FSIP2: variants seen among roughly 807,000 people sequenced by gnomAD.
FSIP2 encodes the protein fibrous sheath interacting protein 2, also known as fibrous sheath-interacting protein 2.
In FSIP2, 367 loss-of-function variants were observed where a neutral mutation model predicts 510.5. The observed-to-expected ratio is 0.72, with a 90% CI of 0.66 to 0.78. The LOEUF is 0.78. Ranked by LOEUF, FSIP2 falls within the 30% of genes least tolerant of loss-of-function variation. The pLI, the probability that FSIP2 is intolerant of heterozygous loss-of-function variation, is 0.00. For missense variants in FSIP2, 7,594 were observed against 7,901.7 expected (o/e 0.96, Z 1.48); for synonymous variants, 2,601 against 2,732.2 (o/e 0.95, Z 1.50).
intron 13 of FSIP2, among the ~76,000 whole-genome samples, chr2:185,773,734 G>A (rs896434694): frequency 5.3e-5 from 8 of 152,070 alleles, no homozygotes; most frequent in African/African-American, 1.9e-4. Flanking sequence ...TGTTAATTGT[G>A]TCATCTGTGC....
At position 185,752,440 on chromosome 2, in the gene FSIP2, G is replaced by A. The variant is rs562431728; in HGVS notation, c.871-1282G>A. On this transcript the variant is annotated intron_variant, in intron 7 of 22. Coordinates refer to ENST00000424728, the MANE Select transcript of FSIP2 (RefSeq NM_173651.4). ...TGTTTTCTACGCATTGGTGTTTTGG[G>A]CTTCTTGGACCTGTGGGTTTACGGT... 6.0e-5 allele frequency among the ~76,000 whole-genome samples: 9 copies of A among 151,078 alleles called. No homozygotes were observed. The South Asian group carries it at 1.9e-3, about 31-fold the overall frequency.
Position 185,793,441 on chromosome 2 carries a change from A to G in FSIP2, c.6305A>G (p.Tyr2102Cys), listed in dbSNP as rs1350447665. Reference protein sequence around the residue: ...DTIEGILCDIYEKTLFQNNLS... With the variant: ...DTIEGILCDICEKTLFQNNLS... ...ATTGAAGGTATCCTATGTGATATTTATGAAAAAACCCTGTTTCAGAATAAT... is the reference window on the plus strand; with the variant it reads ...ATTGAAGGTATCCTATGTGATATTTGTGAAAAAACCCTGTTTCAGAATAAT... The change falls in exon 16 of 23, where the codon TAT becomes TGT. Residue 2102 changes from tyrosine (Y) to cysteine (C), a missense_variant. By Grantham distance (194) the Tyr-to-Cys change is radical. Coordinates refer to ENST00000424728, the MANE Select transcript of FSIP2 (RefSeq NM_173651.4). 2 of 1,534,376 alleles carry G rather than the reference A, an allele frequency of 1.3e-6. No homozygotes were observed. Among genetic ancestry groups the G allele is most frequent in the Non-Finnish European group, 1.7e-6 (2 of 1,145,626 alleles).
rs530253414 is a variant in FSIP2 at position 185,781,912 on chromosome 2, A to G, written c.1412-793A>G. On this transcript the variant is annotated intron_variant, in intron 13 of 22. Coordinates refer to ENST00000424728, the MANE Select transcript of FSIP2 (RefSeq NM_173651.4). ...GAGTGCAGTGGCGCGATCTCGGCTCACTGCAAGCTCCGCCTCCCAGGTTCA... is the reference window on the plus strand; with the variant it reads ...GAGTGCAGTGGCGCGATCTCGGCTCGCTGCAAGCTCCGCCTCCCAGGTTCA... Among the ~76,000 whole-genome samples, 266 of 150,804 alleles carry G rather than the reference A, an allele frequency of 1.8e-3. 1 individual carries two copies. The highest frequency in any genetic ancestry group is 6.3e-3 in the African/African-American group (256 of 40,914).
rs116639972 is a variant in FSIP2, at chr2:185,809,103, G to C, written c.19797G>C (p.Lys6599Asn). ...RKTERRTSLD[K>N]TGRLDVKPLE... ...CAGAAAGACGTACCTCATTGGATAA[G>C]ACTGGAAGACTGGATGTAAAACCCC... Residue 6599 changes from lysine to asparagine, a missense_variant, in exon 17 of 23, where the codon AAG becomes AAC. Coordinates refer to ENST00000424728, the MANE Select transcript of FSIP2 (RefSeq NM_173651.4). 9.1e-3 allele frequency: 14,408 copies of C among 1,577,668 alleles called. 118 individuals are homozygous for C. Among genetic ancestry groups the C allele is most frequent in the South Asian group, 0.023 (1,909 of 84,290 alleles).
chr2:185,798,018 C>T (rs1450807083), intron 16 of FSIP2, among the ~76,000 whole-genome samples: 1 of 151,440 alleles, frequency 6.6e-6, no homozygotes, highest in Non-Finnish European at 1.5e-5. Flanking sequence ...CATCACAATG[C>T]AAAAAAATAA....
Position 185,804,531 on chromosome 2 carries a change from A to C in FSIP2, c.15225A>C (p.Ser5075=), listed in dbSNP as rs1481054115. Reference sequence around the variant, plus strand: ...ATTATCAAGTGCAGTCATTAGTTTCAGGAGAATTAGAGTCTTCTTCTTATT... The same window carrying C: ...ATTATCAAGTGCAGTCATTAGTTTCCGGAGAATTAGAGTCTTCTTCTTATT... The part of the protein sequence containing the change: ...IYDYQVQSLV[S]GELESSSYSY... Residue 5075 remains serine, a synonymous_variant, in exon 17 of 23, where the codon TCA becomes TCC. Transcript: ENST00000424728. 6 of 1,519,918 alleles carry C rather than the reference A, an allele frequency of 3.9e-6. No homozygotes were observed. Among genetic ancestry groups the C allele is most frequent in the South Asian group, 1.2e-5 (1 of 81,136 alleles). 94.2% of individuals were successfully genotyped at this position (1,519,918 alleles called of 1,614,324 possible). A position where few individuals can be genotyped will look rare whatever the true frequency, so the allele number is the denominator to read the frequency against.
intron 6 of FSIP2, 63 bp from the exon 7 acceptor site, chr2:185,747,250 A>C (rs956974651): frequency 1.0e-6 from 1 of 955,580 alleles, no homozygotes; most frequent in Middle Eastern, 2.1e-4. Context: ...TTGGTGGGAC[A>C]AAATACAAAG....
intron 13 of FSIP2, among the ~76,000 whole-genome samples, chr2:185,770,071 A>G (rs1692575473): frequency 6.6e-6 from 1 of 152,154 alleles, no homozygotes; most frequent in Admixed American, 6.5e-5. Flanking sequence ...TTTTGGTTCC[A>G]TACAAATTTT....
chr2:185,746,532 A>G (rs532672494), intron 5 of FSIP2, 137 bp from the exon 6 acceptor site: 2 of 633,990 alleles, frequency 3.2e-6, no homozygotes, highest in African/African-American at 3.7e-5. Flanking sequence ...AACAGGACTG[A>G]CAGAAAAACA....
At chr2:185,782,459 T>TTCTG (rs1692873169) in intron 13 of FSIP2, among the ~76,000 whole-genome samples, 1 of 152,150 alleles carries the variant, frequency 6.6e-6, no homozygotes, top group Admixed American at 6.5e-5. Context: ...GTGCAAAATA[T>TTCTG]TCTGTCTCTG....
At chr2:185,774,649 T>C (rs963288987) in intron 13 of FSIP2, among the ~76,000 whole-genome samples, 3 of 147,936 alleles carry the variant, frequency 2.0e-5, no homozygotes, top group Non-Finnish European at 4.5e-5. Flanking sequence ...GTTACATACG[T>C]ATACATGTGC....
intron 9 of FSIP2, among the ~76,000 whole-genome samples, chr2:185,758,759 T>C (rs1302611970): frequency 6.6e-6 from 1 of 151,176 alleles, no homozygotes; most frequent in Non-Finnish European, 1.5e-5. Flanking sequence ...ACTTTGAAAA[T>C]ATAAAGTGAT....
chr2:185,796,946 A>G lies in FSIP2; in HGVS notation c.9810A>G (p.Leu3270=), dbSNP rs55938253. Residue 3270 remains leucine (L), a synonymous_variant, in exon 16 of 23, where the codon TTA becomes TTG. Coordinates refer to ENST00000424728, the MANE Select transcript of FSIP2 (RefSeq NM_173651.4). ...GNSYLPEGSF[L]QKLLRKASDS... ...GCTACCTCCCTGAAGGCAGTTTCTT[A>G]CAAAAGCTGCTTAGGAAAGCAAGTG... 832,242 of 1,534,162 alleles carry G rather than the reference A, an allele frequency of 0.54. 227,239 individuals carry two copies. The highest frequency in any genetic ancestry group is 0.64 in the South Asian group (53,704 of 83,976).
chr2:185,827,490 A>G (rs1323701900), intron 20 of FSIP2, among the ~76,000 whole-genome samples: 1 of 151,872 alleles, frequency 6.6e-6, no homozygotes, highest in Non-Finnish European at 1.5e-5. Flanking sequence ...AGATGTAAAT[A>G]CAGGGTTTCT....
Position 185,807,682 on chromosome 2 carries a change from G to T in FSIP2, c.18376G>T (p.Ala6126Ser). Residue 6126 changes from alanine to serine, a missense_variant, in exon 17 of 23, where the codon GCT (alanine) becomes TCT (serine). By Grantham distance (99) the Ala-to-Ser change is moderately conservative. Coordinates refer to ENST00000424728, the MANE Select transcript of FSIP2 (RefSeq NM_173651.4). ...AGTTGACTTGGTTCTACGAGAAGTG[G>T]CTAGCAATCAGCTGCAGAGCTATTT... ...NIVDLVLREV[A>S]SNQLQSYFCG... 6.2e-7 allele frequency: 1 copy of T among 1,612,844 alleles called. No individual in the cohort carries two copies. Among genetic ancestry groups the T allele is most frequent in the Non-Finnish European group, 8.5e-7 (1 of 1,179,256 alleles).
chr2:185,793,626 C>G lies in FSIP2; in HGVS notation c.6490C>G (p.Leu2164Val). The G allele has an allele frequency of 6.5e-7, 1 of 1,533,992 alleles. No homozygotes were observed. The highest frequency in any genetic ancestry group is 8.7e-7 in the Non-Finnish European group (1 of 1,145,280). ...LISNDIVNIV[L>V]HNLSSAATLV... ...ATCCAATGATATAGTGAATATTGTTCTTCATAATCTCAGTTCTGCTGCCAC... is the reference window on the plus strand; with the variant it reads ...ATCCAATGATATAGTGAATATTGTTGTTCATAATCTCAGTTCTGCTGCCAC... Residue 2164 changes from leucine (L) to valine (V), a missense_variant, in exon 16 of 23, where the codon CTT becomes GTT. By Grantham distance (32) the Leu-to-Val change is conservative. Transcript: ENST00000424728.
At chr2:185,810,479 A>G (rs1397543940) in intron 17 of FSIP2, among the ~76,000 whole-genome samples, 2 of 151,638 alleles carry the variant, frequency 1.3e-5, no homozygotes, top group Non-Finnish European at 2.9e-5. Flanking sequence ...GGCCTTCCCA[A>G]AAACAGATGC....
Position 185,813,555 on chromosome 2 carries a change from G to A in FSIP2, c.19838G>A (p.Arg6613Lys). Residue 6613 changes from arginine to lysine, a missense_variant, in exon 18 of 23, where the codon AGA (arginine) becomes AAA (lysine). Arg to Lys is a conservative substitution (Grantham distance 26, BLOSUM62 2). Coordinates refer to ENST00000424728, the MANE Select transcript of FSIP2 (RefSeq NM_173651.4). ...LDVKPLEAVA[R>K]NSFQNIRKPD... ...TACCTTTAATTTCAGGCCGTTGCTAGAAATTCATTTCAGAATATAAGAAAG... is the reference window on the plus strand; with the variant it reads ...TACCTTTAATTTCAGGCCGTTGCTAAAAATTCATTTCAGAATATAAGAAAG... 1 of 1,524,978 alleles carries A rather than the reference G, an allele frequency of 6.6e-7. No individual in the cohort carries two copies. The highest frequency in any genetic ancestry group is 8.8e-7 in the Non-Finnish European group (1 of 1,139,392). The allele number at this position is 1,524,978 out of a possible 1,614,324, so 94.5% of individuals were successfully genotyped here. A position where few individuals can be genotyped will look rare whatever the true frequency, so the allele number is the denominator to read the frequency against.
Position 185,739,428 on chromosome 2 carries a change from C to T in FSIP2, c.182C>T (p.Pro61Leu). 6.5e-7 allele frequency: 1 copy of T among 1,534,498 alleles called. No individual in the cohort carries two copies. The highest frequency in any genetic ancestry group is 8.7e-7 in the Non-Finnish European group (1 of 1,146,246). ...CTCGGGGTCAAGCTGCCTGTGATCC[C>T]AGGAAGCAATGCTGTATTCTATACT... ...LPLGVKLPVIPGSNAVFYTTN... is the reference protein window; with the variant it reads ...LPLGVKLPVILGSNAVFYTTN... The change falls in exon 2 of 23, where the codon CCA becomes CTA. Residue 61 changes from proline (P) to leucine (L), a missense_variant. By Grantham distance (98) the Pro-to-Leu change is moderately conservative. Transcript: ENST00000424728.
Sources: allele counts gnomAD v4.1 joint callset (sites outside exome capture counted in the v4.1 genomes callset), GRCh38; gene constraint gnomAD v4.1.1; transcripts MANE v1.5; gene names NCBI Gene and HGNC (gene_info 2026-07-23, HGNC 2026-07-21).